The following IWS1 variants were observed in gnomAD, a reference collection of about 807,000 sequenced individuals.
IWS1 encodes protein IWS1 homolog.
Under a neutral mutation model 86.7 loss-of-function variants are expected in IWS1, and 27 were observed. The observed-to-expected ratio is 0.31, with a 90% CI of 0.23 to 0.43. The LOEUF is 0.43. IWS1 is among the 20% of genes least tolerant of loss of function. IWS1 has a pLI of 1.00. For missense variants in IWS1, 827 were observed against 1,000.8 expected, an observed-to-expected ratio of 0.83 and a Z score of 2.34; for synonymous variants, 313 against 335.1, an observed-to-expected ratio of 0.93 and a Z score of 0.72.
At chr2:127,526,542 G>A (rs1692432887), upstream of IWS1, 3 of 1,445,420 alleles carry the variant, frequency 2.1e-6, no homozygotes, top group East Asian at 3.2e-5. Context: ...CCGTCAACCG[G>A]CCAATGAGAA....
At chr2:127,526,963 A>G (rs762386773), upstream of IWS1, 1 of 262,408 alleles carries the variant, frequency 3.8e-6, no homozygotes, top group Non-Finnish European at 7.9e-6. Context: ...CCTCTCTTTC[A>G]TTCTAAACAA....
At chr2:127,488,438 C>T (rs1000369851) in intron 12 of IWS1, among the ~76,000 whole-genome samples, 2 of 152,224 alleles carry the variant, frequency 1.3e-5, no homozygotes, top group African/African-American at 4.8e-5. Context: ...TCTCAGCACT[C>T]AGGTTAAAAT....
Position 127,505,782 on chromosome 2 carries a change from A to G in IWS1, c.151-30T>C. ...AAAATAAAGTGAGAAAAAATTAGGA[A>G]AGTGCAAAAAAAAAAAAACCATTAA... On this transcript the variant is annotated intron_variant, in intron 2 of 13. Transcript: ENST00000295321. The surrounding 1 kb of genome is among the most constrained non-coding windows in gnomAD (Gnocchi z 5.0). The G allele has an allele frequency of 7.4e-7, 1 of 1,354,150 alleles. No homozygotes were observed. 83.9% of individuals were successfully genotyped at this position (1,354,150 alleles called of 1,614,324 possible).
intron 13 of IWS1, among the ~76,000 whole-genome samples, chr2:127,485,686 G>A (rs1689891755): frequency 6.6e-6 from 1 of 152,168 alleles, no homozygotes; most frequent in Admixed American, 6.5e-5. Context: ...GATAAAGGAA[G>A]GGACTTCCAT....
chr2:127,523,096 C>G (rs1240400097), intron 2 of IWS1, among the ~76,000 whole-genome samples: 1 of 152,086 alleles, frequency 6.6e-6, no homozygotes, highest in Non-Finnish European at 1.5e-5. Flanking sequence ...GTAGTCCCAG[C>G]TACTCGGGAG....
intron 13 of IWS1, among the ~76,000 whole-genome samples, chr2:127,481,871 T>C (rs929664182): frequency 9.9e-5 from 15 of 152,212 alleles, no homozygotes; most frequent in African/African-American, 3.4e-4. Context: ...ATTACTATTT[T>C]ACTACTTCAC....
chr2:127,507,991 C>T lies in IWS1; in HGVS notation c.151-2239G>A, dbSNP rs141142387. Among the ~76,000 whole-genome samples, 46 of 152,300 alleles carry T rather than the reference C, an allele frequency of 3.0e-4. 1 individual carries two copies. In the East Asian group the frequency reaches 5.2e-3, roughly 17 times the overall value. ...TGGGTTCCATCGCCAAAATAGCTCA[C>T]TCTGTATAAGTAAATATTCCAAAAC... On this transcript the variant is annotated intron_variant, in intron 2 of 13. Transcript: ENST00000295321.
At chr2:127,502,621 G>T in intron 5 of IWS1, 194 bp downstream of exon 5, 1 of 379,472 alleles carries the variant, frequency 2.6e-6, no homozygotes, top group Non-Finnish European at 4.8e-6. Context: ...ATTCAATTTT[G>T]CCCATTAGCT....
rs531017114 is a variant in IWS1 at position 127,481,353 on chromosome 2, A to G, written c.2329-178T>C. Among the ~76,000 whole-genome samples, 191 of 152,166 alleles carry G rather than the reference A, an allele frequency of 1.3e-3. 2 individuals carry two copies. Among genetic ancestry groups the G allele is most frequent in the African/African-American group, 4.6e-3 (190 of 41,492 alleles). ...AGTATAGATGGTGTTAGAAACGCAT[A>G]TTAAACTCTCTCAGTGAAGAATAAT... On this transcript the variant is annotated intron_variant, in intron 13 of 13. Coordinates refer to ENST00000295321, the MANE Select transcript of IWS1 (RefSeq NM_017969.3).
Position 127,526,445 on chromosome 2 carries a change from G to T in IWS1, c.-237C>A. The T allele has an allele frequency of 6.5e-7, 1 of 1,534,802 alleles. No individual in the cohort carries two copies. On this transcript the variant is annotated 5_prime_UTR_variant, in exon 1 of 14. Transcript: ENST00000295321. ...TGGCGGGCGGGCAGGCATGCGAGCC[G>T]GCGTTCTACTTCCTAGAAGCACCGC...
chr2:127,526,238 G>A lies in IWS1; in HGVS notation c.-30C>T, dbSNP rs1330586476. 1.3e-6 allele frequency: 2 copies of A among 1,552,546 alleles called. No individual in the cohort carries two copies. The highest frequency in any genetic ancestry group is 2.4e-5 in the South Asian group (2 of 84,276). The stretch of plus-strand genomic sequence containing the variant: ...GGCGGACTCTCAGCGGGGAGTGTCC[G>A]CGCCCCGCGCCGCCCCCGTCACCTC... On this transcript the variant is annotated 5_prime_UTR_variant, in exon 1 of 14. Transcript: ENST00000295321.
Position 127,489,733 on chromosome 2 carries a change from A to G in IWS1, c.2159+99T>C. On this transcript the variant is annotated intron_variant, in intron 11 of 13. Transcript: ENST00000295321. The surrounding 1 kb of genome is among the most constrained non-coding windows in gnomAD (Gnocchi z 4.8). Reference sequence around the variant, plus strand: ...ACACATATCAAGCTGAGAGGAAAGGAAATCCTATCATCTTGCAGGCTTCCT... The same window carrying G: ...ACACATATCAAGCTGAGAGGAAAGGGAATCCTATCATCTTGCAGGCTTCCT... 1 of 754,402 alleles carries G rather than the reference A, an allele frequency of 1.3e-6. No homozygotes were observed. The allele number at this position is 754,402 out of a possible 1,614,324, so 46.7% of individuals were successfully genotyped here.
chr2:127,508,886 T>C (rs1286935941), intron 2 of IWS1, among the ~76,000 whole-genome samples: 1 of 152,184 alleles, frequency 6.6e-6, no homozygotes, highest in African/African-American at 2.4e-5. Flanking sequence ...TGAGAGACAC[T>C]GGGCAGTCAT....
At position 127,505,664 on chromosome 2, in the gene IWS1, C is replaced by A. The variant is rs1331767260; in HGVS notation, c.239G>T (p.Ser80Ile). 1.2e-6 allele frequency: 2 copies of A among 1,613,978 alleles called. No individual in the cohort carries two copies. Among genetic ancestry groups the A allele is most frequent in the Non-Finnish European group, 1.7e-6 (2 of 1,179,986 alleles). ...ENDEPLNLNA[S>I]DSESEELHRQ... ...GTGAAGCTCCTCACTTTCAGAGTCA[C>A]TAGCATTAAGATTTAAGGGCTCATC... is the stretch of plus-strand genomic sequence containing the variant. Residue 80 changes from serine (S) to isoleucine (I), a missense_variant, in exon 3 of 14, where the codon AGT becomes ATT. Ser to Ile is a moderately radical substitution (Grantham distance 142, BLOSUM62 -2). Coordinates refer to ENST00000295321, the MANE Select transcript of IWS1 (RefSeq NM_017969.3). The surrounding 1 kb of genome is among the most constrained non-coding windows in gnomAD (Gnocchi z 5.0).
chr2:127,489,360 A>C lies in IWS1; in HGVS notation c.2160-125T>G, dbSNP rs1690101351. On this transcript the variant is annotated intron_variant, in intron 11 of 13. Coordinates refer to ENST00000295321, the MANE Select transcript of IWS1 (RefSeq NM_017969.3). The surrounding 1 kb of genome is among the most constrained non-coding windows in gnomAD (Gnocchi z 4.8). ...GCTCTTTTACGATGGATCAGGGAAA[A>C]TAATTCCTAATCTTTAAAAAGTACT... 7.6e-6 allele frequency: 5 copies of C among 660,706 alleles called. No homozygotes were observed. Among genetic ancestry groups the C allele is most frequent in the Non-Finnish European group, 1.3e-5 (5 of 374,428 alleles). 40.9% of individuals were successfully genotyped at this position (660,706 alleles called of 1,614,324 possible).
In IWS1 at chr2:127,523,694, A is replaced by G. The variant is rs112298172; in HGVS notation, c.132T>C (p.Ser44=). ...NEQHSGSDTG[S]VERHSENETS... ...CCAATACCTCTGAATGACGTTCTACACTTCCAGTGTCTGATCCGGAGTGTT... is the reference window on the plus strand; with the variant it reads ...CCAATACCTCTGAATGACGTTCTACGCTTCCAGTGTCTGATCCGGAGTGTT... The change falls in exon 2 of 14, where the codon AGT becomes AGC. Residue 44 remains serine (S), a synonymous_variant. Coordinates refer to ENST00000295321, the MANE Select transcript of IWS1 (RefSeq NM_017969.3). 1 of 1,612,284 alleles carries G rather than the reference A, an allele frequency of 6.2e-7. No individual in the cohort carries two copies. Among genetic ancestry groups the G allele is most frequent in the Non-Finnish European group, 8.5e-7 (1 of 1,178,980 alleles).
Position 127,526,355 on chromosome 2 carries a change from C to A in IWS1, c.-147G>T. 2 of 1,537,144 alleles carry A rather than the reference C, an allele frequency of 1.3e-6. No individual in the cohort carries two copies. Among genetic ancestry groups the A allele is most frequent in the Non-Finnish European group, 8.7e-7 (1 of 1,146,478 alleles). The stretch of plus-strand genomic sequence containing the variant: ...TTAACGGGTGCGGAGGGTAAGAAAG[C>A]GGTAGCGGCAAAGGCGAATTCTTTG... On this transcript the variant is annotated 5_prime_UTR_variant, in exon 1 of 14. Transcript: ENST00000295321.
intron 3 of IWS1, 145 bp from the exon 4 acceptor site, chr2:127,503,721 G>A: frequency 3.1e-6 from 1 of 322,992 alleles, no homozygotes; most frequent in Non-Finnish European, 5.1e-6. Context: ...AAAATCAGAG[G>A]GCCTCCTGAC....
At chr2:127,503,009 T>C (rs1690900524) in intron 4 of IWS1, 137 bp from the exon 5 acceptor site, 2 of 597,004 alleles carry the variant, frequency 3.4e-6, no homozygotes, top group South Asian at 4.2e-5. Context: ...TTAACAAATA[T>C]ATACACTCAT....
Sources: gnomAD v4.1 joint callset for allele counts (sites outside exome capture counted in the v4.1 genomes callset) on GRCh38, gnomAD v4.1.1 for gene constraint, Gnocchi (gnomAD v3.1) non-coding constraint, MANE v1.5 for transcripts, NCBI Gene and HGNC (gene_info 2026-07-23, HGNC 2026-07-21) for gene names.